Variants in NHS observed in about 807,000 individuals in gnomAD.
NHS encodes actin remodeling regulator NHS.
NHS carries 5 observed loss-of-function variants against 72.5 expected under a neutral mutation model. The ratio of observed to expected loss-of-function variants is 0.07; its 90% CI spans 0.04 to 0.14. NHS has a LOEUF of 0.14. Among genes scored for constraint, NHS ranks in the 10% least tolerant of loss-of-function variants. The pLI, the probability that NHS is intolerant of heterozygous loss-of-function variation, is 1.00. For synonymous variants in NHS, 464 were observed against 547.7 expected (o/e 0.85, Z 2.13); for missense variants, 1,072 against 1,355.7 (o/e 0.79, Z 3.29).
chrX:17,438,617 C>G (rs1314705668), intron 1 of NHS, among the ~76,000 whole-genome samples: 1 of 112,206 alleles, frequency 8.9e-6, no homozygotes, highest in Non-Finnish European at 1.9e-5. Context: ...TGGAAAAGCA[C>G]TGGTCTAAGA....
At chrX:17,555,356 A>G (rs2065365223) in intron 1 of NHS, among the ~76,000 whole-genome samples, 1 of 109,408 alleles carries the variant, frequency 9.1e-6, no homozygotes, top group Non-Finnish European at 1.9e-5. Context: ...GTGGCTGACT[A>G]CCTAAAGCAG....
intron 1 of NHS, among the ~76,000 whole-genome samples, chrX:17,505,058 A>G (rs1040739091): frequency 1.8e-5 from 2 of 110,863 alleles, no homozygotes; most frequent in African/African-American, 6.6e-5. Context: ...AATGTAAATA[A>G]ATCTATCTCA....
At chrX:17,572,491 C>CCTTTT (rs1556011021) in intron 1 of NHS, among the ~76,000 whole-genome samples, 4 of 46,774 alleles carry the variant, frequency 8.6e-5, no homozygotes, top group African/African-American at 5.2e-4. Context: ...GCAACCCCTG[C>CCTTTT]TTTTTTTTTT....
chrX:17,681,920 G>C (rs1185331968), intron 1 of NHS, among the ~76,000 whole-genome samples: 1 of 111,471 alleles, frequency 9.0e-6, no homozygotes, highest in Non-Finnish European at 1.9e-5. Context: ...CTGATGCTGA[G>C]AGGTGAACAT....
intron 1 of NHS, among the ~76,000 whole-genome samples, chrX:17,474,770 A>C (rs151318655): frequency 4.2e-3 from 466 of 111,696 alleles, no homozygotes; most frequent in Middle Eastern, 0.014. Flanking sequence ...GAGCCCTCAG[A>C]AGCCAATAAT....
At chrX:17,568,647 G>GTTGTTA (rs1556010055) in intron 1 of NHS, among the ~76,000 whole-genome samples, 67 of 92,122 alleles carry the variant, frequency 7.3e-4, no homozygotes, top group African/African-American at 2.3e-3. Flanking sequence ...AGGTTACTTA[G>GTTGTTA]TTATTATTAT....
At chrX:17,444,588 T>C (rs975840436) in intron 1 of NHS, among the ~76,000 whole-genome samples, 1 of 111,896 alleles carries the variant, frequency 8.9e-6, no homozygotes, top group African/African-American at 3.3e-5. Context: ...ACAGCCAAAG[T>C]TGGGGAGCAC....
rs112934440 is a variant in NHS at position 17,507,728 on chromosome X, G to C, written c.565+131406G>C. On this transcript the variant is annotated intron_variant, in intron 1 of 8. Coordinates refer to ENST00000676302, the MANE Select transcript of NHS (RefSeq NM_001291867.2). Reference sequence around the variant, plus strand: ...CAAGACATAGACAAAACTGCTAAAGGGTTTTGGATGCATTAGCTGAGCAAA... The same window carrying C: ...CAAGACATAGACAAAACTGCTAAAGCGTTTTGGATGCATTAGCTGAGCAAA... Among the ~76,000 whole-genome samples, 661 of 111,834 alleles carry C rather than the reference G, an allele frequency of 5.9e-3. 3 individuals are homozygous for C. Among genetic ancestry groups the C allele is most frequent in the African/African-American group, 0.02 (616 of 30,796 alleles).
intron 1 of NHS, among the ~76,000 whole-genome samples, chrX:17,494,579 C>T (rs755018253): frequency 5.4e-5 from 6 of 111,897 alleles, no homozygotes; most frequent in African/African-American, 1.6e-4. Flanking sequence ...TTTGGTGCTC[C>T]CAGCCATTAA....
chrX:17,449,691 T>C (rs1353329659), intron 1 of NHS, among the ~76,000 whole-genome samples: 2 of 112,225 alleles, frequency 1.8e-5, no homozygotes, highest in South Asian at 3.7e-4. Context: ...ATAGATATAT[T>C]TGATGCAGAT....
At chrX:17,421,249 G>GCACA (rs752023167) in intron 1 of NHS, among the ~76,000 whole-genome samples, 5 of 96,841 alleles carry the variant, frequency 5.2e-5, no homozygotes, top group African/African-American at 8.9e-5. Context: ...GTGTGTGCGC[G>GCACA]CACACACACA....
At chrX:17,632,212 T>C (rs1448631735) in intron 1 of NHS, among the ~76,000 whole-genome samples, 3 of 111,566 alleles carry the variant, frequency 2.7e-5, no homozygotes, top group Admixed American at 9.6e-5. Context: ...GTAATATTCT[T>C]ATCCCCATGT....
At chrX:17,588,246 A>G (rs977297532) in intron 1 of NHS, among the ~76,000 whole-genome samples, 2 of 111,449 alleles carry the variant, frequency 1.8e-5, no homozygotes, top group African/African-American at 6.5e-5. Flanking sequence ...CCCACATAGC[A>G]TTCACAAAAA....
At chrX:17,376,981 A>G (rs2064350323) in intron 1 of NHS, among the ~76,000 whole-genome samples, 1 of 112,681 alleles carries the variant, frequency 8.9e-6, no homozygotes, top group Non-Finnish European at 1.9e-5. Flanking sequence ...GGGGAGGGTC[A>G]GGGAGAGATG....
rs532707771 is a variant in NHS, at chrX:17,701,820, A to G, written c.852+9352A>G. Among the ~76,000 whole-genome samples the G allele has an allele frequency of 1.9e-4, 21 of 111,388 alleles. 1 individual carries two copies. In the South Asian group the frequency reaches 8.1e-3, roughly 43 times the overall value. On this transcript the variant is annotated intron_variant, in intron 3 of 8. Transcript: ENST00000676302. ...TCTAGAGAGTCTCAGGTTATGCTCA[A>G]ATGTGAATACCTAAGATATCTTAGG...
chrX:17,486,407 A>G (rs1047656688), intron 1 of NHS, among the ~76,000 whole-genome samples: 1 of 112,106 alleles, frequency 8.9e-6, no homozygotes, highest in Non-Finnish European at 1.9e-5. Flanking sequence ...CAGATCAGCC[A>G]TGGTGACGCT....
rs190848757 is a variant in NHS, at chrX:17,699,010, A to G, written c.852+6542A>G. 9.3e-3 allele frequency among the ~76,000 whole-genome samples: 1,046 copies of G among 111,948 alleles called. 15 individuals are homozygous for G. The highest frequency in any genetic ancestry group is 0.032 in the African/African-American group (992 of 30,818). On this transcript the variant is annotated intron_variant, in intron 3 of 8. Transcript: ENST00000676302. Reference sequence around the variant, plus strand: ...TAACAAAGAAGACCAAATACTTAGGAATTAATTTACCAGAAATGTGTAAAA... The same window carrying G: ...TAACAAAGAAGACCAAATACTTAGGGATTAATTTACCAGAAATGTGTAAAA...
chrX:17,704,588 ACGCC>A (rs2066285386), intron 3 of NHS, among the ~76,000 whole-genome samples: 1 of 111,225 alleles, frequency 9.0e-6, no homozygotes, highest in Admixed American at 9.5e-5. Context: ...GTGAGCCGCC[ACGCC>A]CGGCCAAAAT....
chrX:17,603,662 A>C (rs767161617), intron 1 of NHS, among the ~76,000 whole-genome samples: 12 of 112,300 alleles, frequency 1.1e-4, no homozygotes, highest in Non-Finnish European at 1.9e-4. Context: ...AATAAAATAG[A>C]GTTATAAGTG....
Sources: allele counts gnomAD v4.1 joint callset (sites outside exome capture counted in the v4.1 genomes callset), GRCh38; gene constraint gnomAD v4.1.1; transcripts MANE v1.5; gene names NCBI Gene and HGNC (gene_info 2026-07-23, HGNC 2026-07-21).